Variants in TTI1 observed in about 807,000 individuals in gnomAD.
TTI1 encodes TELO2-interacting protein 1 homolog.
Under a neutral mutation model 85.4 loss-of-function variants are expected in TTI1, and 52 were observed. The ratio of observed to expected loss-of-function variants is 0.61; its 90% CI spans 0.49 to 0.77. The LOEUF is 0.77. Among genes scored for constraint, TTI1 ranks in the 30% least tolerant of loss-of-function variants. The probability of loss-of-function intolerance (pLI) is 0.00; values close to 1 mark genes in which losing one functional copy is unlikely to be tolerated. For missense variants in TTI1, 1,173 were observed against 1,296.0 expected, an observed-to-expected ratio of 0.91 and a Z score of 1.46; for synonymous variants, 512 against 503.9, an observed-to-expected ratio of 1.02 and a Z score of -0.22.
chr20:37,983,506 G>A lies in TTI1; in HGVS notation c.3220C>T (p.Gln1074Ter). 1.2e-6 allele frequency: 2 copies of A among 1,611,864 alleles called. No individual in the cohort carries two copies. Among genetic ancestry groups the A allele is most frequent in the African/African-American group, 1.3e-5 (1 of 75,000 alleles). The change falls in exon 8 of 8, where the codon CAG becomes TAG. Residue 1074 changes from glutamine to a stop codon, truncating the protein, a stop_gained. Coordinates refer to ENST00000373447, the MANE Select transcript of TTI1 (RefSeq NM_001303457.2). LOFTEE classifies it high-confidence loss of function. ...AGCACGTTGGTCGTGTAGGGGTTCT[G>A]CTGCCCGCTGGCCCCGTGCAGCTGC... ...PVQLHGASGQ[Q>*]NPYTTNVLQL...
At chr20:37,993,981 G>GT (rs886757056) in intron 7 of TTI1, among the ~76,000 whole-genome samples, 7 of 152,190 alleles carry the variant, frequency 4.6e-5, no homozygotes, top group African/African-American at 1.7e-4. Context: ...TGGAGGTGTC[G>GT]TTTTGAGAGC....
intron 1 of TTI1, among the ~76,000 whole-genome samples, chr20:38,033,073 A>T (rs1211708203): frequency 6.6e-6 from 1 of 152,184 alleles, no homozygotes; most frequent in Admixed American, 6.5e-5. Flanking sequence ...AGGTCAAAAC[A>T]GGACATTAAA....
chr20:38,022,837 G>T (rs944109743), intron 1 of TTI1, among the ~76,000 whole-genome samples: 4 of 152,182 alleles, frequency 2.6e-5, no homozygotes, highest in Admixed American at 1.3e-4. Context: ...TAATCCATCT[G>T]GTTGCAGTGT....
chr20:38,010,153 G>A (rs1026112835), intron 2 of TTI1, among the ~76,000 whole-genome samples: 1 of 152,182 alleles, frequency 6.6e-6, no homozygotes, highest in Non-Finnish European at 1.5e-5. Flanking sequence ...CATTTATGCT[G>A]AACGTGAATG....
At chr20:37,999,760 G>C (rs1306133726) in intron 4 of TTI1, among the ~76,000 whole-genome samples, 2 of 152,218 alleles carry the variant, frequency 1.3e-5, no homozygotes, top group Non-Finnish European at 2.9e-5. Flanking sequence ...TGATGAGGAA[G>C]ACTCAGAGGT....
chr20:38,024,591 G>C (rs2073812535), intron 1 of TTI1, among the ~76,000 whole-genome samples: 1 of 152,152 alleles, frequency 6.6e-6, no homozygotes, highest in African/African-American at 2.4e-5. Flanking sequence ...CAAAGGAGTA[G>C]GGGAATGGGC....
intron 2 of TTI1, among the ~76,000 whole-genome samples, chr20:38,010,667 G>A (rs986136036): frequency 2.0e-5 from 3 of 151,524 alleles, no homozygotes; most frequent in Non-Finnish European, 2.9e-5. Flanking sequence ...TAGTAGAGAC[G>A]GGGTTTCACC....
At chr20:37,984,319 A>T (rs1344094140) in intron 7 of TTI1, among the ~76,000 whole-genome samples, 1 of 152,194 alleles carries the variant, frequency 6.6e-6, no homozygotes, top group Non-Finnish European at 1.5e-5. Context: ...AACCTTTGGC[A>T]GAGATAGAGC....
At chr20:37,987,611 G>A in intron 7 of TTI1, among the ~76,000 whole-genome samples, 1 of 152,192 alleles carries the variant, frequency 6.6e-6, no homozygotes, top group Non-Finnish European at 1.5e-5. Context: ...GCCTCCGAGT[G>A]TCCTGAGGCG....
At chr20:38,021,329 T>C (rs905442358) in intron 1 of TTI1, among the ~76,000 whole-genome samples, 2 of 152,216 alleles carry the variant, frequency 1.3e-5, no homozygotes, top group African/African-American at 4.8e-5. Flanking sequence ...GGCCATGAAA[T>C]CACAGTTGTG....
At chr20:38,006,549 A>C in intron 2 of TTI1, 152 bp from the exon 3 acceptor site, 3 of 771,856 alleles carry the variant, frequency 3.9e-6, no homozygotes, top group Non-Finnish European at 4.1e-6. Context: ...CCATTAACTC[A>C]TCCTTTTCCA....
intron 5 of TTI1, among the ~76,000 whole-genome samples, chr20:37,997,492 CTGCACAATCTCTTA>C (rs2073359814): frequency 6.6e-6 from 1 of 151,748 alleles, no homozygotes. Flanking sequence ...TTCTGTTCAG[CTGCACAATCTCTTA>C]TGCACATCAC....
chr20:37,999,866 A>AT (rs899480247), intron 4 of TTI1, among the ~76,000 whole-genome samples: 11 of 152,126 alleles, frequency 7.2e-5, no homozygotes, highest in Admixed American at 2.0e-4. Context: ...TTTGTTAGGA[A>AT]TTTTTTTTAT....
intron 7 of TTI1, among the ~76,000 whole-genome samples, chr20:37,984,257 TC>T (rs1307912114): frequency 6.6e-6 from 1 of 152,226 alleles, no homozygotes; most frequent in East Asian, 1.9e-4. Context: ...TGGCAGGCTG[TC>T]AAAGGGTTCC....
chr20:38,019,147 A>G (rs1048307845), intron 1 of TTI1: 8 of 140,004 alleles, frequency 5.7e-5, no homozygotes, highest in Admixed American at 2.8e-4. Context: ...GAGCAGGTCT[A>G]AAAAAAAAAA....
chr20:37,988,303 G>A (rs896771354), intron 7 of TTI1, among the ~76,000 whole-genome samples: 7 of 152,284 alleles, frequency 4.6e-5, no homozygotes, highest in Admixed American at 6.5e-5. Flanking sequence ...AACAGACCAC[G>A]AGAGTTTTCA....
At chr20:37,992,505 G>GAGCCC (rs550412676) in intron 7 of TTI1, among the ~76,000 whole-genome samples, 151 of 152,288 alleles carry the variant, frequency 9.9e-4, no homozygotes, top group African/African-American at 3.4e-3. Flanking sequence ...TGGAGCTCCT[G>GAGCCC]AGCCCAGGTG....
chr20:38,026,543 A>G (rs1227310104), intron 1 of TTI1, among the ~76,000 whole-genome samples: 2 of 152,246 alleles, frequency 1.3e-5, no homozygotes, highest in African/African-American at 2.4e-5. Flanking sequence ...TGCTGAAACA[A>G]ACAAACAGTC....
At chr20:38,005,772 G>C (rs2073487174) in intron 3 of TTI1, 8 of 143,824 alleles carry the variant, frequency 5.6e-5, no homozygotes, top group Admixed American at 5.5e-4. Context: ...GGAATTTAAA[G>C]AAATATGCAA....
Sources: allele counts gnomAD v4.1 joint callset (sites outside exome capture counted in the v4.1 genomes callset), GRCh38; gene constraint gnomAD v4.1.1; transcripts MANE v1.5; gene names NCBI Gene and HGNC (gene_info 2026-07-23, HGNC 2026-07-21).